Variants in ADGRA3 observed in about 807,000 individuals in gnomAD.
ADGRA3 encodes adhesion G protein-coupled receptor A3, also known as G-protein coupled receptor 125.
ADGRA3 carries 56 observed loss-of-function variants against 119.8 expected under a neutral mutation model. The ratio of observed to expected loss-of-function variants is 0.47; its 90% CI spans 0.38 to 0.58. The LOEUF is 0.58. ADGRA3 is among the 20% of genes least tolerant of loss of function. ADGRA3 has a pLI of 0.00. For missense variants in ADGRA3, 1,516 were observed against 1,649.0 expected (o/e 0.92, Z 1.40); for synonymous variants, 607 against 623.8 (o/e 0.97, Z 0.40).
At chr4:22,410,187 A>C (rs1408638888) in intron 14 of ADGRA3, among the ~76,000 whole-genome samples, 1 of 152,226 alleles carries the variant, frequency 6.6e-6, no homozygotes, top group Non-Finnish European at 1.5e-5. Flanking sequence ...GAACACAACA[A>C]AAGAGGAATC....
chr4:22,506,044 T>C (rs1719225577), intron 1 of ADGRA3, among the ~76,000 whole-genome samples: 1 of 152,144 alleles, frequency 6.6e-6, no homozygotes, highest in Non-Finnish European at 1.5e-5. Flanking sequence ...GTTTCGGTCT[T>C]TGGCCAGCCC....
In ADGRA3 at chr4:22,413,278, T is replaced by C; in HGVS notation, c.2136A>G (p.Gln712=). ...ARWDFDLLNG[Q]GGWKSDGCHI... ...GGCACCCATCTGACTTCCAGCCTCCTTGTCCGTTCAGCAAATCGAAATCCC... is the reference window on the plus strand; with the variant it reads ...GGCACCCATCTGACTTCCAGCCTCCCTGTCCGTTCAGCAAATCGAAATCCC... Residue 712 remains glutamine (Q), a synonymous_variant, in exon 14 of 19, where the codon CAA becomes CAG. Coordinates refer to ENST00000334304, the MANE Select transcript of ADGRA3 (RefSeq NM_145290.4). 1.2e-6 allele frequency: 2 copies of C among 1,614,100 alleles called. No individual in the cohort carries two copies. The highest frequency in any genetic ancestry group is 1.3e-5 in the African/African-American group (1 of 75,038).
chr4:22,494,112 G>A (rs1040158746), intron 1 of ADGRA3, among the ~76,000 whole-genome samples: 4 of 151,768 alleles, frequency 2.6e-5, no homozygotes, highest in Non-Finnish European at 2.9e-5. Flanking sequence ...GGCTGAGGCA[G>A]GAGAATTGCT....
chr4:22,460,611 C>T (rs1560328776), intron 3 of ADGRA3, among the ~76,000 whole-genome samples: 1 of 152,192 alleles, frequency 6.6e-6, no homozygotes, highest in Non-Finnish European at 1.5e-5. Context: ...CTTGTCACTT[C>T]TCTAAAAATG....
At chr4:22,482,408 C>T (rs753298242) in intron 1 of ADGRA3, among the ~76,000 whole-genome samples, 22 of 151,804 alleles carry the variant, frequency 1.4e-4, no homozygotes, top group Middle Eastern at 3.4e-3. Flanking sequence ...ATAATCCCAG[C>T]AATTTGGGAG....
At chr4:22,448,432 G>A (rs1201347932) in intron 4 of ADGRA3, among the ~76,000 whole-genome samples, 1 of 152,164 alleles carries the variant, frequency 6.6e-6, no homozygotes, top group African/African-American at 2.4e-5. Context: ...AGAACAGTCA[G>A]AATTTAGACC....
rs1577381872 is a variant in ADGRA3, at chr4:22,494,253, A to G, written c.258-20410T>C. ...AACCTTTGGTAGTCCTCAATGCTAC[A>G]CTCCCACCAGCGCCATGACAGTTTA... On this transcript the variant is annotated intron_variant, in intron 1 of 18. Coordinates refer to ENST00000334304, the MANE Select transcript of ADGRA3 (RefSeq NM_145290.4). 3.3e-5 allele frequency among the ~76,000 whole-genome samples: 5 copies of G among 151,520 alleles called. No homozygotes were observed. The South Asian group carries it at 8.4e-4, about 25-fold the overall frequency.
chr4:22,505,551 G>T (rs1719206616), intron 1 of ADGRA3, among the ~76,000 whole-genome samples: 1 of 151,658 alleles, frequency 6.6e-6, no homozygotes. Context: ...AGAGGCTAAG[G>T]CAGGAGAACG....
chr4:22,482,261 C>T (rs1718280811), intron 1 of ADGRA3, among the ~76,000 whole-genome samples: 1 of 152,046 alleles, frequency 6.6e-6, no homozygotes, highest in Admixed American at 6.6e-5. Context: ...AAAATCTTTT[C>T]CAATTTGACC....
chr4:22,464,628 T>C lies in ADGRA3; in HGVS notation c.330-2820A>G, dbSNP rs567264258. The stretch of plus-strand genomic sequence containing the variant: ...AGCATGGCAGCGCTCACGCCTGCAG[T>C]CCCTCTACCTGCAACTCTTCCCCAT... On this transcript the variant is annotated intron_variant, in intron 2 of 18. Coordinates refer to ENST00000334304, the MANE Select transcript of ADGRA3 (RefSeq NM_145290.4). 3.3e-5 allele frequency among the ~76,000 whole-genome samples: 5 copies of C among 152,278 alleles called. No individual in the cohort carries two copies. The East Asian group carries it at 9.7e-4, about 29-fold the overall frequency.
chr4:22,512,935 G>A (rs1719499283), intron 1 of ADGRA3, among the ~76,000 whole-genome samples: 1 of 152,028 alleles, frequency 6.6e-6, no homozygotes, highest in African/African-American at 2.4e-5. Context: ...TAAGATGAAG[G>A]CAAGGTGAGG....
At chr4:22,478,482 G>C (rs1718132757) in intron 1 of ADGRA3, among the ~76,000 whole-genome samples, 1 of 152,106 alleles carries the variant, frequency 6.6e-6, no homozygotes, top group Admixed American at 6.6e-5. Flanking sequence ...TAAATATTCA[G>C]ATCAAATGTG....
rs777333900 is a variant in ADGRA3, at chr4:22,445,055, C to T, written c.624G>A (p.Thr208=). Reference sequence around the variant, plus strand: ...GATAAACACACCTGGTATCCCGTACCGTGATGTTCTTCTCCTTTACCCAGC... The same window carrying T: ...GATAAACACACCTGGTATCCCGTACTGTGATGTTCTTCTCCTTTACCCAGC... The part of the protein sequence containing the change: ...MHRWVKEKNI[T]VRDTRCVYPK... Residue 208 remains threonine (T), a synonymous_variant, in exon 6 of 19, where the codon ACG becomes ACA. Transcript: ENST00000334304. 6.2e-6 allele frequency: 10 copies of T among 1,613,930 alleles called. No individual in the cohort carries two copies. The highest frequency in any genetic ancestry group is 1.7e-5 in the Admixed American group (1 of 59,992).
At chr4:22,441,774 A>C (rs541661602) in intron 7 of ADGRA3, among the ~76,000 whole-genome samples, 37 of 152,344 alleles carry the variant, frequency 2.4e-4, no homozygotes, top group African/African-American at 8.7e-4. Context: ...GATTTAAAGC[A>C]TCTACTCTAA....
At chr4:22,512,408 G>A (rs1261800086) in intron 1 of ADGRA3, among the ~76,000 whole-genome samples, 9 of 152,138 alleles carry the variant, frequency 5.9e-5, no homozygotes, top group Non-Finnish European at 7.3e-5. Flanking sequence ...GAAAGAGCAT[G>A]TTTTTATTTG....
At chr4:22,456,753 C>T (rs1717253546) in intron 3 of ADGRA3, among the ~76,000 whole-genome samples, 4 of 152,174 alleles carry the variant, frequency 2.6e-5, no homozygotes, top group Non-Finnish European at 4.4e-5. Context: ...TACTGGTCCT[C>T]TCTCTCTGGA....
rs77926743 is a variant in ADGRA3 at position 22,508,469 on chromosome 4, G to A, written c.257+7059C>T. 3.3e-5 allele frequency among the ~76,000 whole-genome samples: 5 copies of A among 152,304 alleles called. No individual in the cohort carries two copies. In the South Asian group the frequency reaches 6.2e-4, roughly 19 times the overall value. On this transcript the variant is annotated intron_variant, in intron 1 of 18. Coordinates refer to ENST00000334304, the MANE Select transcript of ADGRA3 (RefSeq NM_145290.4). ...AAACACTGGCCACTGTGTTTACAAC[G>A]TAACACTGCCTCAACCGATGTCCAT...
intron 4 of ADGRA3, among the ~76,000 whole-genome samples, chr4:22,452,071 C>T (rs1029970983): frequency 2.0e-5 from 3 of 152,132 alleles, no homozygotes; most frequent in African/African-American, 7.2e-5. Context: ...CCTGTGCCAA[C>T]CCAAATTACG....
chr4:22,505,522 C>T (rs1719205534), intron 1 of ADGRA3, among the ~76,000 whole-genome samples: 1 of 151,824 alleles, frequency 6.6e-6, no homozygotes, highest in African/African-American at 2.4e-5. Flanking sequence ...TGGTGGGCGC[C>T]TGTAATCCCA....
Sources: allele counts gnomAD v4.1 joint callset (sites outside exome capture counted in the v4.1 genomes callset), GRCh38; gene constraint gnomAD v4.1.1; transcripts MANE v1.5; gene names NCBI Gene and HGNC (gene_info 2026-07-23, HGNC 2026-07-21).